ASAP1: variants seen among roughly 807,000 people sequenced by gnomAD.
The protein encoded by ASAP1 is arf-GAP with SH3 domain, ANK repeat and PH domain-containing protein 1.
ASAP1 carries 43 observed loss-of-function variants against 145.2 expected under a neutral mutation model. The ratio of observed to expected loss-of-function variants is 0.30; its 90% CI spans 0.23 to 0.38. The LOEUF (loss-of-function observed/expected upper bound fraction) is 0.38. Ranked by LOEUF, ASAP1 falls within the 10% of genes least tolerant of loss-of-function variation. The pLI is 1.00. For missense variants in ASAP1, 1,018 were observed against 1,355.3 expected (o/e 0.75, Z 3.91); for synonymous variants, 546 against 515.5 (o/e 1.06, Z -0.80).
chr8:130,243,533 C>T (rs1430678313), intron 3 of ASAP1, among the ~76,000 whole-genome samples: 2 of 152,094 alleles, frequency 1.3e-5, no homozygotes, highest in Non-Finnish European at 2.9e-5. Flanking sequence ...CCTGCAAGGC[C>T]CTACGTGACC....
rs1340779631 is a variant in ASAP1, at chr8:130,300,135, CACACACACACACACACACAGAGAGAG to C, written c.186+57856_186+57881del. 1.0e-4 allele frequency among the ~76,000 whole-genome samples: 12 copies of C among 118,064 alleles called. 1 individual carries two copies. In the Admixed American group the frequency reaches 1.0e-3, roughly 10 times the overall value. 77.5% of individuals were successfully genotyped at this position (118,064 alleles called of 152,430 possible). A position where few individuals can be genotyped will look rare whatever the true frequency, so the allele number is the denominator to read the frequency against. On this transcript the variant is annotated intron_variant, in intron 3 of 29. Coordinates refer to ENST00000518721, the MANE Select transcript of ASAP1 (RefSeq NM_018482.4). Reference sequence around the variant, plus strand: ...AAATACACACACACACACACACACACACACACACACACACACACAGAGAGAGAGAGAGAGAGAGAGAGAGAGAGAGA... The same window carrying C: ...AAATACACACACACACACACACACACAGAGAGAGAGAGAGAGAGAGAGAGA...
rs539495620 is a variant in ASAP1 at position 130,363,731 on chromosome 8, A to T, written c.60-5588T>A. Among the ~76,000 whole-genome samples, 45 of 152,338 alleles carry T rather than the reference A, an allele frequency of 3.0e-4. No individual in the cohort carries two copies. In the South Asian group the frequency reaches 4.8e-3, roughly 16 times the overall value. ...ATGTCCCTGAGCCTGGCAGACTCTA[A>T]ATCCAATGCTTTTTCTGCTGCCTGC... On this transcript the variant is annotated intron_variant, in intron 2 of 29. Transcript: ENST00000518721.
chr8:130,125,671 A>C (rs778736716), intron 17 of ASAP1, among the ~76,000 whole-genome samples: 9 of 152,176 alleles, frequency 5.9e-5, no homozygotes, highest in Non-Finnish European at 1.2e-4. Context: ...ATGAAAACTA[A>C]TTCATAAAGA....
Position 130,186,756 on chromosome 8 carries a change from T to C in ASAP1, c.530+480A>G, listed in dbSNP as rs557427310. ...TCTCCAGGTTTCAGTTTCCCTGATG[T>C]ATATAAACAGAGAGTAAAGCTGTAC... On this transcript the variant is annotated intron_variant, in intron 7 of 29. Transcript: ENST00000518721. 1.6e-4 allele frequency among the ~76,000 whole-genome samples: 25 copies of C among 152,300 alleles called. 1 individual carries two copies. The South Asian group carries it at 5.2e-3, about 32-fold the overall frequency.
chr8:130,162,350 T>C (rs772873884), intron 11 of ASAP1, among the ~76,000 whole-genome samples: 3 of 152,034 alleles, frequency 2.0e-5, no homozygotes, highest in Non-Finnish European at 4.4e-5. Flanking sequence ...GTGTTCATAA[T>C]CCTAATGAAG....
At chr8:130,274,165 CT>C (rs1394550119) in intron 3 of ASAP1, among the ~76,000 whole-genome samples, 1 of 152,180 alleles carries the variant, frequency 6.6e-6, no homozygotes, top group African/African-American at 2.4e-5. Context: ...ACCTCCCTGC[CT>C]GCATTGCTTT....
intron 7 of ASAP1, among the ~76,000 whole-genome samples, chr8:130,185,729 C>CAAAAAAAA (rs778486303): frequency 2.6e-4 from 15 of 57,032 alleles, no homozygotes; most frequent in East Asian, 9.8e-4. Context: ...AACTCCGCCT[C>CAAAAAAAA]AAAAAAAAAA....
At chr8:130,326,876 C>A (rs866921763) in intron 3 of ASAP1, among the ~76,000 whole-genome samples, 9 of 152,184 alleles carry the variant, frequency 5.9e-5, no homozygotes, top group African/African-American at 2.2e-4. Flanking sequence ...CCTATTTCTT[C>A]AGGATCCCTT....
At chr8:130,079,652 G>GT (rs1301677268) in intron 26 of ASAP1, among the ~76,000 whole-genome samples, 1 of 152,060 alleles carries the variant, frequency 6.6e-6, no homozygotes, top group Non-Finnish European at 1.5e-5. Flanking sequence ...GGGAAGTGAG[G>GT]TTAGCTCCTG....
intron 9 of ASAP1, among the ~76,000 whole-genome samples, chr8:130,169,748 T>G (rs1813453019): frequency 6.6e-6 from 1 of 152,334 alleles, no homozygotes; most frequent in African/African-American, 2.4e-5. Context: ...ACAACTCTAA[T>G]GAATTAAAGC....
Position 130,052,395 on chromosome 8 carries a change from G to GA in ASAP1, c.*2335dup, listed in dbSNP as rs1394104738. ...CAGAACATAACTTTCCCCTCTGGGGGAAAAAGAACTAATTTGCTATTTTTT... is the reference window on the plus strand; with the variant it reads ...CAGAACATAACTTTCCCCTCTGGGGGAAAAAAGAACTAATTTGCTATTTTTT... On this transcript the variant is annotated 3_prime_UTR_variant, in exon 30 of 30. Transcript: ENST00000518721. 1 of 152,316 alleles carries GA rather than the reference G, an allele frequency of 6.6e-6. No homozygotes were observed. Among genetic ancestry groups the GA allele is most frequent in the Non-Finnish European group, 1.5e-5 (1 of 68,014 alleles). The allele number at this position is 152,316 out of a possible 1,614,324, so 9.4% of individuals were successfully genotyped here.
chr8:130,192,111 TGCC>T, intron 5 of ASAP1, among the ~76,000 whole-genome samples: 1 of 152,270 alleles, frequency 6.6e-6, no homozygotes, highest in African/African-American at 2.4e-5. Flanking sequence ...TCTGTGATTT[TGCC>T]AACAATCACA....
chr8:130,325,192 ACT>A (rs1158015204), intron 3 of ASAP1, among the ~76,000 whole-genome samples: 1 of 152,094 alleles, frequency 6.6e-6, no homozygotes, highest in African/African-American at 2.4e-5. Flanking sequence ...TTCACATTTA[ACT>A]CTTTCTTGGG....
At chr8:130,061,431 A>G (rs1182409357) in intron 27 of ASAP1, among the ~76,000 whole-genome samples, 1 of 152,156 alleles carries the variant, frequency 6.6e-6, no homozygotes, top group African/African-American at 2.4e-5. Context: ...TAATTTTCCT[A>G]TATATTTTCT....
At chr8:130,093,686 A>AAAAAAAAAAAAAAAAACAAAAAG (rs767063471) in intron 24 of ASAP1, among the ~76,000 whole-genome samples, 1 of 131,984 alleles carries the variant, frequency 7.6e-6, no homozygotes, top group Non-Finnish European at 1.5e-5. Flanking sequence ...AAAAAAAAAA[A>AAAAAAAAAAAAAAAAACAAAAAG]AAAGAAAGCT....
rs372781541 is a variant in ASAP1, at chr8:130,063,333, G to A, written c.2702-2264C>T. On this transcript the variant is annotated intron_variant, in intron 27 of 29. Coordinates refer to ENST00000518721, the MANE Select transcript of ASAP1 (RefSeq NM_018482.4). Reference sequence around the variant, plus strand: ...GCTAGGACCACAGGTATGTACCACCGCACTCAGCTAATTTTTAATTTTTTA... The same window carrying A: ...GCTAGGACCACAGGTATGTACCACCACACTCAGCTAATTTTTAATTTTTTA... Among the ~76,000 whole-genome samples the A allele has an allele frequency of 3.8e-4, 58 of 152,168 alleles. 1 individual carries two copies. The highest frequency in any genetic ancestry group is 1.3e-3 in the African/African-American group (56 of 41,522).
chr8:130,418,239 A>G (rs917579822), intron 1 of ASAP1, among the ~76,000 whole-genome samples: 1 of 152,190 alleles, frequency 6.6e-6, no homozygotes, highest in Non-Finnish European at 1.5e-5. Flanking sequence ...TTCACATACA[A>G]TTAATCACAA....
chr8:130,072,824 T>TGTGTGCGTGCGCGCGCGCGCGC, intron 27 of ASAP1, among the ~76,000 whole-genome samples: 2 of 32,282 alleles, frequency 6.2e-5, no homozygotes, highest in East Asian at 2.4e-3. Flanking sequence ...TGTGTGTGTG[T>TGTGTGCGTGCGCGCGCGCGCGC]GCGCGCGGGG....
At chr8:130,327,953 G>A (rs1824443024) in intron 3 of ASAP1, among the ~76,000 whole-genome samples, 1 of 152,114 alleles carries the variant, frequency 6.6e-6, no homozygotes, top group Non-Finnish European at 1.5e-5. Context: ...ATGGAGAAAT[G>A]CTCAATATAA....
Sources: allele counts gnomAD v4.1 joint callset (sites outside exome capture counted in the v4.1 genomes callset), GRCh38; gene constraint gnomAD v4.1.1; transcripts MANE v1.5; gene names NCBI Gene and HGNC (gene_info 2026-07-23, HGNC 2026-07-21).